Variants in DYDC1 observed in about 807,000 individuals in gnomAD.
DYDC1 encodes DPY30 domain containing 1.
DYDC1 carries 21 observed loss-of-function variants against 27.9 expected under a neutral mutation model. The observed-to-expected ratio is 0.75, with a 90% CI of 0.53 to 1.08. DYDC1 has a LOEUF of 1.08. DYDC1 is among the 50% of genes least tolerant of loss of function. The pLI, the probability that DYDC1 is intolerant of heterozygous loss-of-function variation, is 0.00. For synonymous variants in DYDC1, 67 were observed against 65.8 expected (o/e 1.02, Z -0.09); for missense variants, 202 against 205.9 (o/e 0.98, Z 0.12).
intron 1 of DYDC1, among the ~76,000 whole-genome samples, chr10:80,353,866 A>G (rs1258020107): frequency 2.0e-5 from 3 of 152,112 alleles, no homozygotes; most frequent in Non-Finnish European, 4.4e-5. Flanking sequence ...CTTGGACTTG[A>G]GAGTCCTTCA....
intron 3 of DYDC1, chr10:80,344,742 T>C (rs529699212): frequency 1.2e-4 from 38 of 323,168 alleles, no homozygotes; most frequent in African/African-American, 8.2e-4. Flanking sequence ...CCTCATTTTC[T>C]CTTGCTGCCA....
At chr10:80,340,970 A>T (rs1842298823) in intron 4 of DYDC1, among the ~76,000 whole-genome samples, 1 of 152,240 alleles carries the variant, frequency 6.6e-6, no homozygotes, top group South Asian at 2.1e-4. Context: ...TTTTAAAAAA[A>T]ATCTCACTTT....
chr10:80,341,461 A>G (rs868666081), intron 4 of DYDC1, among the ~76,000 whole-genome samples: 193 of 150,742 alleles, frequency 1.3e-3, no homozygotes, highest in African/African-American at 3.5e-3. Flanking sequence ...AAAAAAAAAA[A>G]AAAGAAAGAA....
At chr10:80,340,380 T>C (rs542654787) in intron 4 of DYDC1, among the ~76,000 whole-genome samples, 1 of 151,780 alleles carries the variant, frequency 6.6e-6, no homozygotes, top group Non-Finnish European at 1.5e-5. Context: ...GGCGAGGGAG[T>C]GGTACTTTGC....
At position 80,342,280 on chromosome 10, in the gene DYDC1, G is replaced by GT; in HGVS notation, c.330dup (p.Gln111ThrfsTer15). ...AAACTTCAAATTACCTTGCCTAATTGTTCTTGAGCTCTCTGTAGTTCTTGT... is the reference window on the plus strand; with the variant it reads ...AAACTTCAAATTACCTTGCCTAATTGTTTCTTGAGCTCTCTGTAGTTCTTGT... On this transcript the variant is annotated frameshift_variant, in exon 4 of 7. Coordinates refer to ENST00000372202, the MANE Select transcript of DYDC1 (RefSeq NM_001269053.2). LOFTEE classifies it high-confidence loss of function. The GT allele has an allele frequency of 1.2e-6, 2 of 1,613,694 alleles. No individual in the cohort carries two copies. The highest frequency in any genetic ancestry group is 1.7e-6 in the Non-Finnish European group (2 of 1,179,900).
At chr10:80,345,284 T>C (rs900815736) in intron 3 of DYDC1, among the ~76,000 whole-genome samples, 1 of 152,224 alleles carries the variant, frequency 6.6e-6, no homozygotes, top group East Asian at 1.9e-4. Flanking sequence ...AGTTATATTA[T>C]GAATTTTTGA....
rs1330550041 is a variant in DYDC1 at position 80,337,314 on chromosome 10, T to C, written c.505-1129A>G. On this transcript the variant is annotated intron_variant, in intron 6 of 6. Transcript: ENST00000372202. Reference sequence around the variant, plus strand: ...TGTTCATTGGCATTTTCTAGCTCCCTGCATAGTGCCAAATCATAGCTGACC... The same window carrying C: ...TGTTCATTGGCATTTTCTAGCTCCCCGCATAGTGCCAAATCATAGCTGACC... 4 of 985,380 alleles carry C rather than the reference T, an allele frequency of 4.1e-6. No individual in the cohort carries two copies. The East Asian group carries it at 3.4e-4, about 84-fold the overall frequency. The allele number at this position is 985,380 out of a possible 1,614,324, so 61.0% of individuals were successfully genotyped here.
Position 80,356,700 on chromosome 10 carries a change from C to T in DYDC1, c.-10+12G>A. 1 of 984,306 alleles carries T rather than the reference C, an allele frequency of 1.0e-6. No individual in the cohort carries two copies. The highest frequency in any genetic ancestry group is 4.7e-5 in the South Asian group (1 of 21,262). The allele number at this position is 984,306 out of a possible 1,614,324, so 61.0% of individuals were successfully genotyped here. A position where few individuals can be genotyped will look rare whatever the true frequency, so the allele number is the denominator to read the frequency against. ...ATCCCAAAAACAGTTCGGGCCTTTC[C>T]GGTGCGCTCACCCCTACACACGCGC... On this transcript the variant is annotated intron_variant, in intron 1 of 6. Transcript: ENST00000372202.
chr10:80,347,269 T>C (rs974556654), intron 3 of DYDC1, among the ~76,000 whole-genome samples: 2 of 142,792 alleles, frequency 1.4e-5, no homozygotes, highest in African/African-American at 2.6e-5. Flanking sequence ...ATTTTTTAAT[T>C]GGGATCCTTT....
At position 80,338,514 on chromosome 10, in the gene DYDC1, G is replaced by A. The variant is rs776638126; in HGVS notation, c.457C>T (p.Pro153Ser). 1.9e-6 allele frequency: 3 copies of A among 1,612,272 alleles called. No homozygotes were observed. Among genetic ancestry groups the A allele is most frequent in the Middle Eastern group, 1.7e-4 (1 of 6,054 alleles). Residue 153 changes from proline (P) to serine (S), a missense_variant, in exon 6 of 7, where the codon CCT becomes TCT. Pro to Ser is a moderately conservative substitution (Grantham distance 74). Transcript: ENST00000372202. ...LAEISDRYGA[P>S]NLSRVEELDE... ...AGTTCTTCCACTCTGCTCAAGTTAG[G>A]TGCTCCATAACGATCGCTGATTTCA...
At chr10:80,344,443 G>C (rs1205772399) in intron 3 of DYDC1, among the ~76,000 whole-genome samples, 1 of 152,200 alleles carries the variant, frequency 6.6e-6, no homozygotes. Context: ...CTGATAAGCA[G>C]ACAGATGTTC....
chr10:80,346,444 C>CCTT (rs1842630105), intron 3 of DYDC1, among the ~76,000 whole-genome samples: 1 of 83,360 alleles, frequency 1.2e-5, no homozygotes, highest in African/African-American at 5.0e-5. Context: ...TCTTCCCTTT[C>CCTT]TTTTTTTTTT....
intron 3 of DYDC1, among the ~76,000 whole-genome samples, chr10:80,346,931 T>C (rs534171532): frequency 6.6e-6 from 1 of 151,558 alleles, no homozygotes; most frequent in African/African-American, 2.4e-5. Context: ...AAAAAAAAAA[T>C]TAGCCAGGTG....
intron 4 of DYDC1, 107 bp from the exon 5 acceptor site, chr10:80,339,260 C>CA (rs2132744092): frequency 4.7e-6 from 2 of 427,294 alleles, no homozygotes; most frequent in South Asian, 4.8e-5. Flanking sequence ...GAATTTAAAG[C>CA]AAAAATGCTG....
At chr10:80,342,424 C>A (rs549195821) in intron 3 of DYDC1, 63 bp from the exon 4 acceptor site, 2 of 1,515,182 alleles carry the variant, frequency 1.3e-6, no homozygotes, top group African/African-American at 1.4e-5. Flanking sequence ...AAGTTTATAC[C>A]CACCTTCATT....
rs114472005 is a variant in DYDC1 at position 80,336,786 on chromosome 10, G to A, written c.505-601C>T. Among the ~76,000 whole-genome samples, 316 of 152,234 alleles carry A rather than the reference G, an allele frequency of 2.1e-3. 1 individual carries two copies. The highest frequency in any genetic ancestry group is 7.4e-3 in the African/African-American group (308 of 41,534). On this transcript the variant is annotated intron_variant, in intron 6 of 6. Transcript: ENST00000372202. ...TTAGGCTTCATCCTGACCCTGCCCC[G>A]CACTGATCCTGTAAGCCAATCTTAA...
At position 80,356,705 on chromosome 10, in the gene DYDC1, C is replaced by T. The variant is rs1054983573; in HGVS notation, c.-10+7G>A. 10 of 983,800 alleles carry T rather than the reference C, an allele frequency of 1.0e-5. No individual in the cohort carries two copies. The highest frequency in any genetic ancestry group is 1.2e-5 in the Non-Finnish European group (10 of 828,434). The allele number at this position is 983,800 out of a possible 1,614,324, so 60.9% of individuals were successfully genotyped here. ...AAAAACAGTTCGGGCCTTTCCGGTG[C>T]GCTCACCCCTACACACGCGCCTGCT... On this transcript the variant is annotated splice_region_variant and intron_variant, in intron 1 of 6. Transcript: ENST00000372202.
At chr10:80,349,180 C>T (rs4934081) in intron 3 of DYDC1, among the ~76,000 whole-genome samples, 53,209 of 152,138 alleles carry the variant, frequency 0.35, 10,506 homozygotes, top group East Asian at 0.8. Flanking sequence ...CGTGAGCCAC[C>T]GCGCCCGGCC....
At chr10:80,345,458 T>C (rs560944814) in intron 3 of DYDC1, among the ~76,000 whole-genome samples, 18 of 152,274 alleles carry the variant, frequency 1.2e-4, no homozygotes, top group African/African-American at 3.9e-4. Context: ...TCTTAAAAAT[T>C]TTCCAGTACA....
Sources: allele counts gnomAD v4.1 joint callset (sites outside exome capture counted in the v4.1 genomes callset), GRCh38; gene constraint gnomAD v4.1.1; transcripts MANE v1.5; gene names NCBI Gene and HGNC (gene_info 2026-07-23, HGNC 2026-07-21).